AADACL2: variants seen among roughly 807,000 people sequenced by gnomAD.
AADACL2 encodes the protein arylacetamide deacetylase like 2.
In AADACL2, 23 loss-of-function variants were observed where a neutral mutation model predicts 22.3. That is an observed-to-expected ratio of 1.03 (90% confidence interval 0.74 to 1.46). The LOEUF is 1.46. AADACL2 is among the 40% of genes most tolerant of loss of function. AADACL2 has a pLI of 0.00. For synonymous variants in AADACL2, 177 were observed against 166.2 expected, an observed-to-expected ratio of 1.07 and a Z score of -0.50; for missense variants, 472 against 482.9, an observed-to-expected ratio of 0.98 and a Z score of 0.21.
intron 1 of AADACL2, among the ~76,000 whole-genome samples, chr3:151,739,335 C>G (rs920742723): frequency 6.6e-6 from 1 of 152,218 alleles, no homozygotes; most frequent in African/African-American, 2.4e-5. Flanking sequence ...GGCTGCAGAA[C>G]AGCAAAGATT....
intron 1 of AADACL2, among the ~76,000 whole-genome samples, chr3:151,736,488 C>A (rs1436880523): frequency 6.6e-6 from 1 of 151,992 alleles, no homozygotes; most frequent in East Asian, 1.9e-4. Context: ...CCCTGCCTCC[C>A]GACAGGCCCT....
intron 4 of AADACL2, among the ~76,000 whole-genome samples, chr3:151,747,618 TTG>T (rs149912523): frequency 0.041 from 6,119 of 147,990 alleles, 399 homozygotes; most frequent in African/African-American, 0.14. Context: ...TTGTGTGTGT[TTG>T]TGTGTGTGTG....
chr3:151,746,879 CTTTAATT>C (rs1713465086), intron 4 of AADACL2, among the ~76,000 whole-genome samples: 1 of 148,508 alleles, frequency 6.7e-6, no homozygotes, highest in African/African-American at 2.5e-5. Flanking sequence ...TGAGATTAAT[CTTTAATT>C]TTTAACACTT....
intron 4 of AADACL2, among the ~76,000 whole-genome samples, chr3:151,753,382 G>T (rs894743429): frequency 6.6e-6 from 1 of 152,184 alleles, no homozygotes; most frequent in Non-Finnish European, 1.5e-5. Context: ...TAATCTGCAA[G>T]GAGGAGAGCA....
At chr3:151,756,400 C>CT (rs937788106) in intron 4 of AADACL2, among the ~76,000 whole-genome samples, 2 of 151,760 alleles carry the variant, frequency 1.3e-5, no homozygotes, top group Non-Finnish European at 2.9e-5. Context: ...GTTGATTGGC[C>CT]TTTTTTTTCT....
rs1272984679 is a variant in AADACL2 at position 151,757,286 on chromosome 3, C to T, written c.898C>T (p.Pro300Ser). 1 of 1,613,640 alleles carries T rather than the reference C, an allele frequency of 6.2e-7. No individual in the cohort carries two copies. The highest frequency in any genetic ancestry group is 1.3e-5 in the African/African-American group (1 of 74,908). The change falls in exon 5 of 5, where the codon CCA (proline) becomes TCA (serine). Residue 300 changes from proline (P) to serine (S), a missense_variant. Pro to Ser is a moderately conservative substitution (Grantham distance 74). Around this residue, in one of 3 missense-constraint regions of AADACL2, gnomAD observed 356 missense variants for 365.5 expected, o/e 0.97. Transcript: ENST00000356517. ...KYRKDYVYTE[P>S]ILGGLSYSLP... ...TAGAAAAGACTATGTATATACTGAACCAATTCTTGGAGGACTTAGTTATTC... is the reference window on the plus strand; with the variant it reads ...TAGAAAAGACTATGTATATACTGAATCAATTCTTGGAGGACTTAGTTATTC...
At chr3:151,737,557 T>G (rs1713132352) in intron 1 of AADACL2, among the ~76,000 whole-genome samples, 2 of 152,050 alleles carry the variant, frequency 1.3e-5, no homozygotes, top group Admixed American at 1.3e-4. Context: ...ATATTGACAG[T>G]GGGTGTTAAG....
In AADACL2 at chr3:151,744,167, G is replaced by C; in HGVS notation, c.431+5G>C. 6.2e-7 allele frequency: 1 copy of C among 1,613,210 alleles called. No individual in the cohort carries two copies. The highest frequency in any genetic ancestry group is 1.7e-4 in the Middle Eastern group (1 of 6,060). On this transcript the variant is annotated splice_donor_5th_base_variant and intron_variant, in intron 3 of 4. Transcript: ENST00000356517. ...TGCTGTTGTTGTAGGCGTGGAGTAA[G>C]AATGATTTTTTTCTGGCTACTATGA...
Position 151,761,149 on chromosome 3 carries a change from ATATATATATGGTGAGATATATATT to A in AADACL2, c.*3578_*3601del, listed in dbSNP as rs1418721681. On this transcript the variant is annotated 3_prime_UTR_variant, in exon 5 of 5. Coordinates refer to ENST00000356517, the MANE Select transcript of AADACL2 (RefSeq NM_207365.4). ...TATATATTTATATATGGTGAGATAT[ATATATATATGGTGAGATATATATT>A]TATATATATGGTGAGATATATACAT... 1.2e-4 allele frequency: 11 copies of A among 93,208 alleles called. No homozygotes were observed. Among genetic ancestry groups the A allele is most frequent in the South Asian group, 3.0e-4 (1 of 3,384 alleles). The allele number at this position is 93,208 out of a possible 1,614,324, so 5.8% of individuals were successfully genotyped here.
Position 151,757,831 on chromosome 3 carries a change from G to A in AADACL2, c.*237G>A, listed in dbSNP as rs546147439. On this transcript the variant is annotated 3_prime_UTR_variant, in exon 5 of 5. Coordinates refer to ENST00000356517, the MANE Select transcript of AADACL2 (RefSeq NM_207365.4). Reference sequence around the variant, plus strand: ...ACTTATAATTTATTATAATTATGTTGGTTCTAATAAGAACCAATGCTTATT... The same window carrying A: ...ACTTATAATTTATTATAATTATGTTAGTTCTAATAAGAACCAATGCTTATT... 6 of 335,140 alleles carry A rather than the reference G, an allele frequency of 1.8e-5. No individual in the cohort carries two copies. In the South Asian group the frequency reaches 3.3e-4, roughly 19 times the overall value. 20.8% of individuals were successfully genotyped at this position (335,140 alleles called of 1,614,324 possible).
In AADACL2 at chr3:151,759,370, T is replaced by C. The variant is rs1392398476; in HGVS notation, c.*1776T>C. 1 of 152,134 alleles carries C rather than the reference T, an allele frequency of 6.6e-6. No homozygotes were observed. The highest frequency in any genetic ancestry group is 2.4e-5 in the African/African-American group (1 of 41,418). The allele number at this position is 152,134 out of a possible 1,614,324, so 9.4% of individuals were successfully genotyped here. On this transcript the variant is annotated 3_prime_UTR_variant, in exon 5 of 5. Transcript: ENST00000356517. ...CAGCAAGTGCTGATTTGTAAGAAAA[T>C]CATTAAAAATGCAGCTCTCTAGGAA...
chr3:151,744,421 A>G (rs1325904829), intron 3 of AADACL2, among the ~76,000 whole-genome samples: 1 of 152,132 alleles, frequency 6.6e-6, no homozygotes, highest in African/African-American at 2.4e-5. Flanking sequence ...CAGGTCCTAT[A>G]AGGCCCTAGT....
chr3:151,747,061 A>G (rs919307759), intron 4 of AADACL2, among the ~76,000 whole-genome samples: 2 of 151,458 alleles, frequency 1.3e-5, no homozygotes, highest in African/African-American at 4.9e-5. Flanking sequence ...AAGAATTCCA[A>G]CTCTCTTATT....
chr3:151,757,466 C>T lies in AADACL2; in HGVS notation c.1078C>T (p.Gln360Ter). The change falls in exon 5 of 5, where the codon CAA (glutamine) becomes TAA (stop). Residue 360 changes from glutamine (Q) to a stop codon, truncating the protein, a stop_gained. Transcript: ENST00000356517. LOFTEE classifies it low-confidence loss of function (END_TRUNC). ...YVTRLRNVGVQVVHEHIEDGI... is the reference protein window; with the variant it reads ...YVTRLRNVGV ...TACAAGACTTCGAAATGTTGGAGTC[C>T]AAGTTGTTCATGAACATATTGAGGA... 6.2e-7 allele frequency: 1 copy of T among 1,613,528 alleles called. No individual in the cohort carries two copies. The highest frequency in any genetic ancestry group is 1.7e-5 in the Admixed American group (1 of 59,978).
At chr3:151,745,455 G>T in intron 3 of AADACL2, 54 bp from the exon 4 acceptor site, 1 of 1,537,348 alleles carries the variant, frequency 6.5e-7, no homozygotes, top group Non-Finnish European at 8.8e-7. Flanking sequence ...TTTGGTATTT[G>T]AGAATTAGAT....
At chr3:151,747,865 T>C (rs1713510370) in intron 4 of AADACL2, among the ~76,000 whole-genome samples, 1 of 152,130 alleles carries the variant, frequency 6.6e-6, no homozygotes, top group East Asian at 1.9e-4. Context: ...CATACTGTTT[T>C]CCATAATGGA....
intron 4 of AADACL2, among the ~76,000 whole-genome samples, chr3:151,747,206 T>C (rs1713482280): frequency 6.6e-6 from 1 of 152,206 alleles, no homozygotes; most frequent in Admixed American, 6.5e-5. Context: ...CTAAGTAACG[T>C]AATCATTACC....
chr3:151,750,556 A>T (rs1264050602), intron 4 of AADACL2, among the ~76,000 whole-genome samples: 3 of 148,514 alleles, frequency 2.0e-5, no homozygotes, highest in African/African-American at 2.5e-5. Context: ...CTTTCTATTT[A>T]AAAAAAAAAG....
rs1250799845 is a variant in AADACL2, at chr3:151,740,752, C to A, written c.245C>A (p.Thr82Asn). Residue 82 changes from threonine to asparagine, a missense_variant, in exon 2 of 5, where the codon ACT becomes AAT. This residue lies in a region of AADACL2 where 356 missense variants were observed against 365.5 expected (regional missense o/e 0.97). Coordinates refer to ENST00000356517, the MANE Select transcript of AADACL2 (RefSeq NM_207365.4). ...QPLSDEYITV[T>N]DTTFVDIPVR... ...CTTTCAGATGAATACATCACAGTGA[C>A]TGATACAACATTTGTTGACATTCCA... 1.1e-5 allele frequency: 17 copies of A among 1,613,818 alleles called. 1 individual carries two copies. The highest frequency in any genetic ancestry group is 1.4e-5 in the Non-Finnish European group (17 of 1,179,932).
Sources: gnomAD v4.1 joint callset for allele counts (sites outside exome capture counted in the v4.1 genomes callset) on GRCh38, gnomAD v4.1.1 for gene constraint, gnomAD v4.1.1 regional missense constraint, MANE v1.5 for transcripts, NCBI Gene and HGNC (gene_info 2026-07-23, HGNC 2026-07-21) for gene names.